The following ARSJ variants were observed in gnomAD, a reference collection of about 807,000 sequenced individuals.
ARSJ encodes the protein arylsulfatase J.
Under a neutral mutation model 35.9 loss-of-function variants are expected in ARSJ, and 26 were observed. That is an observed-to-expected ratio of 0.72 (90% CI 0.53 to 1.00). ARSJ has a LOEUF of 1.00. Ranked by LOEUF, ARSJ falls within the 50% of genes least tolerant of loss-of-function variation. The pLI is 0.00. For missense variants in ARSJ, 667 were observed against 723.6 expected (o/e 0.92, Z 0.90); for synonymous variants, 294 against 267.6 (o/e 1.10, Z -0.96).
At chr4:113,970,760 G>C (rs1727192062) in intron 1 of ARSJ, 1 of 152,232 alleles carries the variant, frequency 6.6e-6, no homozygotes, top group Admixed American at 6.6e-5. Context: ...TTAGAGACCA[G>C]CTTGGACAAC....
intron 1 of ARSJ, among the ~76,000 whole-genome samples, chr4:113,930,807 A>C (rs544805787): frequency 6.6e-6 from 1 of 150,794 alleles, no homozygotes; most frequent in Admixed American, 6.6e-5. Flanking sequence ...TGGATTAAGA[A>C]AATGTGGCAC....
At chr4:113,953,843 T>C (rs1726008161) in intron 1 of ARSJ, among the ~76,000 whole-genome samples, 4 of 151,942 alleles carry the variant, frequency 2.6e-5, no homozygotes, top group Admixed American at 2.6e-4. Flanking sequence ...AAGAGAAAGT[T>C]CAAAAAATGA....
At chr4:113,947,121 G>A (rs1284592179) in intron 1 of ARSJ, among the ~76,000 whole-genome samples, 1 of 152,018 alleles carries the variant, frequency 6.6e-6, no homozygotes, top group Admixed American at 6.6e-5. Flanking sequence ...AAGATATTTT[G>A]TAATATAGAC....
At chr4:113,939,556 A>G (rs1322840369) in intron 1 of ARSJ, among the ~76,000 whole-genome samples, 2 of 152,102 alleles carry the variant, frequency 1.3e-5, no homozygotes, top group Admixed American at 1.3e-4. Context: ...GTTTCTCCAC[A>G]TCCTCTCCAG....
At chr4:113,942,376 A>G (rs1181854889) in intron 1 of ARSJ, among the ~76,000 whole-genome samples, 1 of 152,044 alleles carries the variant, frequency 6.6e-6, no homozygotes, top group African/African-American at 2.4e-5. Flanking sequence ...CAAAGTACCT[A>G]AAATATAGAT....
intron 1 of ARSJ, among the ~76,000 whole-genome samples, chr4:113,967,093 T>C (rs80326778): frequency 0.019 from 2,915 of 152,256 alleles, 121 homozygotes; most frequent in East Asian, 0.16. Flanking sequence ...ATGGATTATA[T>C]TCAGTCAGTG....
chr4:113,956,496 G>A (rs531004158), intron 1 of ARSJ, among the ~76,000 whole-genome samples: 1 of 152,106 alleles, frequency 6.6e-6, no homozygotes, highest in South Asian at 2.1e-4. Flanking sequence ...AATACTTGGG[G>A]AAATTTAAAT....
chr4:113,940,544 G>T (rs1725085762), intron 1 of ARSJ, among the ~76,000 whole-genome samples: 1 of 151,640 alleles, frequency 6.6e-6, no homozygotes, highest in African/African-American at 2.4e-5. Flanking sequence ...ATGCATGCTG[G>T]GCTTAATATT....
rs777928552 is a variant in ARSJ at position 113,903,685 on chromosome 4, A to T, written c.399-10T>A. 1.4e-5 allele frequency: 23 copies of T among 1,587,170 alleles called. No individual in the cohort carries two copies. The South Asian group carries it at 2.5e-4, about 17-fold the overall frequency. Reference sequence around the variant, plus strand: ...GGTGTGTATCTGATACCTTAAGAAAAGAGAAAAAAATTGTTATCAGGGCAG... The same window carrying T: ...GGTGTGTATCTGATACCTTAAGAAATGAGAAAAAAATTGTTATCAGGGCAG... On this transcript the variant is annotated splice_polypyrimidine_tract_variant and intron_variant, in intron 1 of 1. Coordinates refer to ENST00000315366, the MANE Select transcript of ARSJ (RefSeq NM_024590.4).
chr4:113,973,320 A>G (rs74377671), intron 1 of ARSJ, among the ~76,000 whole-genome samples: 46 of 152,274 alleles, frequency 3.0e-4, no homozygotes, highest in African/African-American at 9.4e-4. Context: ...CAAGTTTACT[A>G]TGGTGTTCTC....
chr4:113,933,078 C>T (rs1724555538), intron 1 of ARSJ, among the ~76,000 whole-genome samples: 1 of 151,718 alleles, frequency 6.6e-6, no homozygotes, highest in African/African-American at 2.4e-5. Context: ...CTATTACAGA[C>T]AACTTTATGC....
intron 1 of ARSJ, among the ~76,000 whole-genome samples, chr4:113,931,366 A>G (rs963182312): frequency 2.6e-5 from 4 of 152,032 alleles, no homozygotes; most frequent in African/African-American, 7.2e-5. Context: ...TGAAAAGAAG[A>G]AGGAGAAGGA....
intron 1 of ARSJ, among the ~76,000 whole-genome samples, chr4:113,956,701 C>T (rs1726200863): frequency 6.6e-6 from 1 of 152,070 alleles, no homozygotes; most frequent in African/African-American, 2.4e-5. Flanking sequence ...TGGAAAGGAG[C>T]AGCTCACGCA....
chr4:113,910,735 G>T (rs2099670181), intron 1 of ARSJ, among the ~76,000 whole-genome samples: 2 of 152,068 alleles, frequency 1.3e-5, no homozygotes, highest in African/African-American at 4.8e-5. Flanking sequence ...ATGAATAAGT[G>T]AATTAATTGC....
chr4:113,913,605 G>A (rs1373879568), intron 1 of ARSJ, among the ~76,000 whole-genome samples: 1 of 151,880 alleles, frequency 6.6e-6, no homozygotes, highest in East Asian at 1.9e-4. Context: ...GGAACTCTAG[G>A]GGTACATTTT....
chr4:113,951,323 T>G (rs1250771693), intron 1 of ARSJ, among the ~76,000 whole-genome samples: 1 of 152,084 alleles, frequency 6.6e-6, no homozygotes, highest in East Asian at 1.9e-4. Context: ...CGTTTCTGAG[T>G]TGTTTCAGTT....
chr4:113,943,718 G>A (rs548148759), intron 1 of ARSJ, among the ~76,000 whole-genome samples: 7 of 152,106 alleles, frequency 4.6e-5, no homozygotes, highest in African/African-American at 1.7e-4. Context: ...GCTGACACCT[G>A]AGTAATGAGA....
In ARSJ at chr4:113,902,849, C is replaced by G; in HGVS notation, c.1225G>C (p.Glu409Gln). 6.2e-7 allele frequency: 1 copy of G among 1,614,154 alleles called. No individual in the cohort carries two copies. The highest frequency in any genetic ancestry group is 1.6e-4 in the Middle Eastern group (1 of 6,062). ...TCTACTCGGGGTGAGCGAAGACCCT[C>G]ACTTATGGTCTCCCAGATATCATAG... ...DGYDIWETISEGLRSPRVDIL... is the reference protein window; with the variant it reads ...DGYDIWETISQGLRSPRVDIL... Residue 409 changes from glutamate to glutamine, a missense_variant, in exon 2 of 2, where the codon GAG (glutamate) becomes CAG (glutamine). Glu to Gln is a conservative substitution (Grantham distance 29). Coordinates refer to ENST00000315366, the MANE Select transcript of ARSJ (RefSeq NM_024590.4).
chr4:113,932,350 G>A (rs2149264925), intron 1 of ARSJ, among the ~76,000 whole-genome samples: 1 of 152,040 alleles, frequency 6.6e-6, no homozygotes. Flanking sequence ...AGTTAAACTA[G>A]ACATTAGACT....
Sources: gnomAD v4.1 joint callset for allele counts (sites outside exome capture counted in the v4.1 genomes callset) on GRCh38, gnomAD v4.1.1 for gene constraint, MANE v1.5 for transcripts, NCBI Gene and HGNC (gene_info 2026-07-23, HGNC 2026-07-21) for gene names.